MCF2L2: variants seen among roughly 807,000 people sequenced by gnomAD.
MCF2L2 encodes MCF.2 cell line derived transforming sequence-like 2, also known as probable guanine nucleotide exchange factor MCF2L2.
A neutral mutation model predicts 150.2 loss-of-function variants in MCF2L2; 102 were observed. That is an observed-to-expected ratio of 0.68 (90% confidence interval 0.58 to 0.80). The LOEUF is 0.80. Ranked by LOEUF, MCF2L2 falls within the 30% of genes least tolerant of loss-of-function variation. MCF2L2 has a pLI of 0.00. For missense variants in MCF2L2, 1,256 were observed against 1,372.8 expected (o/e 0.91, Z 1.34); for synonymous variants, 465 against 491.3 (o/e 0.95, Z 0.71).
At chr3:183,216,914 C>G (rs1330089160) in intron 21 of MCF2L2, among the ~76,000 whole-genome samples, 3 of 151,312 alleles carry the variant, frequency 2.0e-5, no homozygotes, top group South Asian at 2.1e-4. Context: ...CAGAATTTAG[C>G]TTTTTTAAAG....
intron 18 of MCF2L2, 191 bp from the exon 19 acceptor site, chr3:183,224,381 A>G (rs1723269509): frequency 1.3e-5 from 7 of 539,136 alleles, no homozygotes. Context: ...TTAAACAACC[A>G]TAACTACCAG....
chr3:183,198,886 G>A (rs978896166), intron 25 of MCF2L2, among the ~76,000 whole-genome samples: 18 of 152,084 alleles, frequency 1.2e-4, no homozygotes, highest in African/African-American at 2.7e-4. Context: ...ATATCATTCT[G>A]TGTTAAGCCT....
chr3:183,339,768 T>C (rs1730627694), intron 4 of MCF2L2, among the ~76,000 whole-genome samples: 1 of 152,132 alleles, frequency 6.6e-6, no homozygotes, highest in Admixed American at 6.5e-5. Context: ...GGGGATTTTT[T>C]TTTTCTAAAT....
intron 1 of MCF2L2, among the ~76,000 whole-genome samples, chr3:183,405,318 G>A (rs1179441648): frequency 6.6e-6 from 1 of 151,992 alleles, no homozygotes; most frequent in Non-Finnish European, 1.5e-5. Context: ...TTTCTGTATT[G>A]TTTTTGTTTG....
intron 9 of MCF2L2, chr3:183,310,457 G>A (rs1303193226): frequency 4.1e-5 from 8 of 193,552 alleles, no homozygotes; most frequent in African/African-American, 7.2e-5. Context: ...AGCTGAGATC[G>A]CGCCATTGCA....
rs61674109 is a variant in MCF2L2, at chr3:183,216,050, T to G, written c.2415A>C (p.Leu805=). The G allele has an allele frequency of 6.2e-7, 1 of 1,614,102 alleles. No homozygotes were observed. Among genetic ancestry groups the G allele is most frequent in the South Asian group, 1.1e-5 (1 of 91,084 alleles). ...CCTCTATCACTGCCAAAGCTTGTTG[T>G]AGTTCAGTTGAGAATGCTGAATCTT... ...RTKDSAFSTE[L]QQALAVIEDL... Residue 805 remains leucine (L), a synonymous_variant, in exon 22 of 30, where the codon CTA becomes CTC. Coordinates refer to ENST00000328913, the MANE Select transcript of MCF2L2 (RefSeq NM_015078.4).
At chr3:183,422,257 C>T (rs1715923215) in intron 1 of MCF2L2, among the ~76,000 whole-genome samples, 1 of 152,220 alleles carries the variant, frequency 6.6e-6, no homozygotes, top group Non-Finnish European at 1.5e-5. Context: ...CTCTCAAAAT[C>T]TCCATTGTAT....
At chr3:183,409,019 T>C (rs759464167) in intron 1 of MCF2L2, among the ~76,000 whole-genome samples, 1 of 152,248 alleles carries the variant, frequency 6.6e-6, no homozygotes, top group Non-Finnish European at 1.5e-5. Context: ...GTGCTTAGCA[T>C]GGGAAATGCA....
chr3:183,313,817 G>T (rs1214519396), intron 7 of MCF2L2, among the ~76,000 whole-genome samples: 1 of 152,180 alleles, frequency 6.6e-6, no homozygotes, highest in East Asian at 1.9e-4. Flanking sequence ...GCAGGGTAAG[G>T]ACTGCTTATA....
At chr3:183,233,933 T>C (rs1335917012) in intron 15 of MCF2L2, among the ~76,000 whole-genome samples, 1 of 152,206 alleles carries the variant, frequency 6.6e-6, no homozygotes, top group Non-Finnish European at 1.5e-5. Context: ...TATTTATAAA[T>C]ACTTGTATAA....
intron 25 of MCF2L2, among the ~76,000 whole-genome samples, 177 bp from the exon 26 acceptor site, chr3:183,195,432 T>G (rs1722049401): frequency 6.6e-6 from 1 of 152,222 alleles, no homozygotes; most frequent in South Asian, 2.1e-4. Flanking sequence ...CTACAGTCCC[T>G]GGGCTCACGT....
At chr3:183,355,613 A>ATTTTTTTTTTT (rs71185653) in intron 3 of MCF2L2, among the ~76,000 whole-genome samples, 5 of 84,454 alleles carry the variant, frequency 5.9e-5, no homozygotes, top group East Asian at 3.3e-4. Context: ...CGCCCAGCTA[A>ATTTTTTTTTTT]TTTTTTTTTT....
intron 25 of MCF2L2, among the ~76,000 whole-genome samples, chr3:183,203,949 G>C (rs9835526): frequency 0.038 from 5,842 of 152,142 alleles, 370 homozygotes; most frequent in African/African-American, 0.13. Context: ...AGAAAAAGAG[G>C]GTCAACAAGG....
chr3:183,315,551 T>G (rs922446019), intron 7 of MCF2L2, among the ~76,000 whole-genome samples: 5 of 152,210 alleles, frequency 3.3e-5, no homozygotes, highest in African/African-American at 9.6e-5. Flanking sequence ...AAATAATACT[T>G]CTAACTATGT....
chr3:183,286,260 C>T lies in MCF2L2; in HGVS notation c.1776+2860G>A, dbSNP rs80025367. ...GTTTTGGTTCACAGCTATTTTTTTTCTCGGTATATTTACTCTCAAGGGCAA... is the reference window on the plus strand; with the variant it reads ...GTTTTGGTTCACAGCTATTTTTTTTTTCGGTATATTTACTCTCAAGGGCAA... On this transcript the variant is annotated intron_variant, in intron 14 of 29. Transcript: ENST00000328913. Among the ~76,000 whole-genome samples the T allele has an allele frequency of 2.7e-4, 41 of 152,038 alleles. No individual in the cohort carries two copies. The East Asian group carries it at 7.5e-3, about 28-fold the overall frequency.
At chr3:183,427,795 A>G in intron 1 of MCF2L2, 107 bp downstream of exon 1, 3 of 939,662 alleles carry the variant, frequency 3.2e-6, no homozygotes, top group Non-Finnish European at 5.1e-6. Flanking sequence ...ACCCCCCAGG[A>G]AGCGCGCTGC....
intron 15 of MCF2L2, among the ~76,000 whole-genome samples, chr3:183,239,069 G>A (rs1384137985): frequency 6.7e-6 from 1 of 149,796 alleles, no homozygotes; most frequent in Non-Finnish European, 1.5e-5. Context: ...TCATGCAGAT[G>A]AACAACAGAA....
In MCF2L2 at chr3:183,351,190, G is replaced by GTATATA. The variant is rs60311053; in HGVS notation, c.276-9566_276-9561dup. Among the ~76,000 whole-genome samples, 201 of 38,774 alleles carry GTATATA rather than the reference G, an allele frequency of 5.2e-3. 5 individuals carry two copies. Among genetic ancestry groups the GTATATA allele is most frequent in the South Asian group, 8.1e-3 (8 of 988 alleles). The allele number at this position is 38,774 out of a possible 152,430, so 25.4% of individuals were successfully genotyped here. ...GTGTGTGTGATATTTATTTTCTTAAGTATATATATATATATATATATATAT... is the reference window on the plus strand; with the variant it reads ...GTGTGTGTGATATTTATTTTCTTAAGTATATATATATATATATATATATATATATAT... On this transcript the variant is annotated intron_variant, in intron 3 of 29. Transcript: ENST00000328913.
rs1333620277 is a variant in MCF2L2 at position 183,267,297 on chromosome 3, A to G, written c.1862+9575T>C. ...CCCTTGGCGATAAAGTGTGCCCTAT[A>G]CTGATTATCTCTGGACAAAGTCTGA... is the stretch of plus-strand genomic sequence containing the variant. On this transcript the variant is annotated intron_variant, in intron 15 of 29. Coordinates refer to ENST00000328913, the MANE Select transcript of MCF2L2 (RefSeq NM_015078.4). This position sits in a 1 kb window ranked among gnomAD's most constrained non-coding sequence, Gnocchi z 5.5. Among the ~76,000 whole-genome samples, 5 of 152,154 alleles carry G rather than the reference A, an allele frequency of 3.3e-5. No homozygotes were observed. Among genetic ancestry groups the G allele is most frequent in the African/African-American group, 1.2e-4 (5 of 41,420 alleles).
Sources: allele counts gnomAD v4.1 joint callset (sites outside exome capture counted in the v4.1 genomes callset), GRCh38; gene constraint gnomAD v4.1.1; non-coding constraint Gnocchi (gnomAD v3.1); transcripts MANE v1.5; gene names NCBI Gene and HGNC (gene_info 2026-07-23, HGNC 2026-07-21).